CDKAL1: variants seen among roughly 807,000 people sequenced by gnomAD.
CDKAL1 encodes threonylcarbamoyladenosine tRNA methylthiotransferase.
In CDKAL1, 32 loss-of-function variants were observed where a neutral mutation model predicts 68.2. The ratio of observed to expected loss-of-function variants is 0.47; its 90% CI spans 0.35 to 0.63. CDKAL1 has a LOEUF of 0.63. Ranked by LOEUF, CDKAL1 falls within the 30% of genes least tolerant of loss-of-function variation. CDKAL1 has a pLI of 0.00. For synonymous variants in CDKAL1, 234 were observed against 244.3 expected, an observed-to-expected ratio of 0.96 and a Z score of 0.39; for missense variants, 606 against 696.7, an observed-to-expected ratio of 0.87 and a Z score of 1.47.
chr6:20,811,819 T>C (rs1776832649), intron 8 of CDKAL1, among the ~76,000 whole-genome samples: 3 of 150,362 alleles, frequency 2.0e-5, no homozygotes, highest in Admixed American at 6.6e-5. Flanking sequence ...GACTGTTGGC[T>C]CAATTAGGGG....
intron 9 of CDKAL1, among the ~76,000 whole-genome samples, chr6:20,922,673 T>C (rs1028648812): frequency 3.3e-5 from 5 of 152,200 alleles, no homozygotes; most frequent in Admixed American, 2.6e-4. Flanking sequence ...ACAACAATCT[T>C]CAGTTTATAA....
chr6:21,015,976 A>G (rs1463361966), intron 11 of CDKAL1, among the ~76,000 whole-genome samples: 1 of 151,254 alleles, frequency 6.6e-6, no homozygotes, highest in Non-Finnish European at 1.5e-5. Flanking sequence ...AAGAATCATG[A>G]TACAATTCAG....
intron 11 of CDKAL1, among the ~76,000 whole-genome samples, chr6:21,022,792 C>A (rs900070526): frequency 2.6e-5 from 4 of 152,072 alleles, no homozygotes; most frequent in Admixed American, 6.6e-5. Flanking sequence ...ATAGTATGTG[C>A]TTTGTGTACT....
intron 8 of CDKAL1, among the ~76,000 whole-genome samples, chr6:20,816,714 C>T (rs907203668): frequency 6.6e-5 from 10 of 151,870 alleles, no homozygotes; most frequent in Admixed American, 4.6e-4. Context: ...AAAATAGTGG[C>T]ATGAGTGTTT....
At chr6:20,802,138 A>G (rs1029412047) in intron 8 of CDKAL1, among the ~76,000 whole-genome samples, 12 of 151,896 alleles carry the variant, frequency 7.9e-5, no homozygotes, top group African/African-American at 2.9e-4. Flanking sequence ...TCTCTACTAA[A>G]AATACAAAAA....
chr6:21,107,403 C>CTCTTTCTTTTTTCTT (rs1172041344), intron 12 of CDKAL1, among the ~76,000 whole-genome samples: 1 of 151,970 alleles, frequency 6.6e-6, no homozygotes. Flanking sequence ...AAAGAGCGTT[C>CTCTTTCTTTTTTCTT]TCTTTCTTTT....
intron 6 of CDKAL1, among the ~76,000 whole-genome samples, chr6:20,746,558 A>G (rs1332702552): frequency 6.6e-6 from 1 of 152,172 alleles, no homozygotes; most frequent in East Asian, 1.9e-4. Flanking sequence ...CTCCTCCATT[A>G]CTATGTAAGG....
rs141827075 is a variant in CDKAL1 at position 20,882,009 on chromosome 6, A to G, written c.742+35831A>G. On this transcript the variant is annotated intron_variant, in intron 9 of 15. Transcript: ENST00000274695. ...TTTGGTTTTGCCCTTTCCAGATATC[A>G]TATAAATGGAATCATGCGATATGTA... 2.9e-4 allele frequency among the ~76,000 whole-genome samples: 44 copies of G among 152,282 alleles called. 1 individual carries two copies. The highest frequency in any genetic ancestry group is 4.6e-4 in the Admixed American group (7 of 15,290).
At chr6:20,656,332 A>G (rs796505904) in intron 5 of CDKAL1, among the ~76,000 whole-genome samples, 13 of 152,342 alleles carry the variant, frequency 8.5e-5, no homozygotes, top group African/African-American at 2.9e-4. Context: ...GGTGGAAGGA[A>G]CAGAGGAGTT....
chr6:20,741,366 G>T (rs1773449590), intron 6 of CDKAL1, among the ~76,000 whole-genome samples: 1 of 151,928 alleles, frequency 6.6e-6, no homozygotes, highest in Non-Finnish European at 1.5e-5. Context: ...GTGCAGGTTT[G>T]TTATACAGGT....
At chr6:21,103,861 T>A (rs1325058871) in intron 12 of CDKAL1, among the ~76,000 whole-genome samples, 2 of 152,176 alleles carry the variant, frequency 1.3e-5, no homozygotes, top group Non-Finnish European at 2.9e-5. Context: ...GGCTAAAAAC[T>A]GGGAGGTAAT....
At position 20,758,659 on chromosome 6, in the gene CDKAL1, G is replaced by A; in HGVS notation, c.517+16G>A. On this transcript the variant is annotated intron_variant, in intron 7 of 15. Transcript: ENST00000274695. ...ACAATTAAAGGTAATCGTTGAAAGT[G>A]AGATAAACAGATGTATATATTTTCT... The A allele has an allele frequency of 6.3e-7, 1 of 1,589,862 alleles. No individual in the cohort carries two copies. Among genetic ancestry groups the A allele is most frequent in the Non-Finnish European group, 8.6e-7 (1 of 1,161,310 alleles).
intron 14 of CDKAL1, 56 bp from the exon 15 acceptor site, chr6:21,201,054 T>C: frequency 3.4e-6 from 5 of 1,485,266 alleles, no homozygotes; most frequent in Non-Finnish European, 4.6e-6. Flanking sequence ...CTGAAACTGT[T>C]CTAAAGTAAA....
intron 8 of CDKAL1, among the ~76,000 whole-genome samples, chr6:20,844,367 A>G (rs1778291662): frequency 1.3e-5 from 2 of 152,164 alleles, no homozygotes; most frequent in Admixed American, 1.3e-4. Flanking sequence ...TTTGGCGCTC[A>G]GTTCTTGTGG....
intron 5 of CDKAL1, among the ~76,000 whole-genome samples, chr6:20,708,144 A>C (rs1447379377): frequency 6.6e-6 from 1 of 152,308 alleles, no homozygotes; most frequent in Middle Eastern, 3.4e-3. Flanking sequence ...GAAGTTGTTA[A>C]ACAATTCAGT....
chr6:20,620,923 C>T (rs1269071281), intron 4 of CDKAL1, among the ~76,000 whole-genome samples: 4 of 151,832 alleles, frequency 2.6e-5, no homozygotes, highest in Non-Finnish European at 5.9e-5. Context: ...TATTGAAGTC[C>T]ATGGTTTGTT....
intron 8 of CDKAL1, among the ~76,000 whole-genome samples, chr6:20,797,129 C>G (rs1776140231): frequency 6.6e-6 from 1 of 152,146 alleles, no homozygotes; most frequent in South Asian, 2.1e-4. Flanking sequence ...ATCACATACA[C>G]AGCATAGGAC....
chr6:20,633,666 T>A, intron 4 of CDKAL1, among the ~76,000 whole-genome samples: 1 of 152,232 alleles, frequency 6.6e-6, no homozygotes, highest in Non-Finnish European at 1.5e-5. Flanking sequence ...ATATGAGGGT[T>A]CCAGTTCACG....
intron 9 of CDKAL1, among the ~76,000 whole-genome samples, chr6:20,855,302 G>A (rs986149968): frequency 5.9e-5 from 9 of 151,802 alleles, no homozygotes; most frequent in Non-Finnish European, 1.2e-4. Context: ...AAATAGCCAG[G>A]CGTGGTGGTG....
Sources: allele counts gnomAD v4.1 joint callset (sites outside exome capture counted in the v4.1 genomes callset), GRCh38; gene constraint gnomAD v4.1.1; transcripts MANE v1.5; gene names NCBI Gene and HGNC (gene_info 2026-07-23, HGNC 2026-07-21).